The following REPS2 variants were observed in gnomAD, a reference collection of about 807,000 sequenced individuals.
REPS2 encodes ralBP1-associated Eps domain-containing protein 2.
Under a neutral mutation model 53.6 loss-of-function variants are expected in REPS2, and 23 were observed. The observed-to-expected ratio is 0.43, with a 90% CI of 0.31 to 0.61. The LOEUF (loss-of-function observed/expected upper bound fraction) is 0.61, where lower values mean the gene tolerates loss of function less well. REPS2 is among the 20% of genes least tolerant of loss of function. The pLI is 0.11. For synonymous variants in REPS2, 238 were observed against 218.6 expected (o/e 1.09, Z -0.78); for missense variants, 446 against 534.9 (o/e 0.83, Z 1.64).
chrX:16,982,966 C>A (rs1661523687), intron 1 of REPS2, among the ~76,000 whole-genome samples: 1 of 112,279 alleles, frequency 8.9e-6, no homozygotes, highest in African/African-American at 3.2e-5. Flanking sequence ...GCATTTCTCA[C>A]ACTGAGATAT....
the REPS2 span, among the ~76,000 whole-genome samples, chrX:17,158,555 A>T: frequency 8.9e-6 from 1 of 112,329 alleles, no homozygotes; most frequent in African/African-American, 3.2e-5. Context: ...TTTTTTAAAC[A>T]GGGCATACAA....
At chrX:17,056,927 G>A (rs1055396829) in intron 8 of REPS2, among the ~76,000 whole-genome samples, 3 of 111,968 alleles carry the variant, frequency 2.7e-5, no homozygotes, top group Admixed American at 1.9e-4. Context: ...GAGTCATGGT[G>A]AGTATAACAT....
At chrX:17,036,556 C>G (rs184915532) in intron 5 of REPS2, among the ~76,000 whole-genome samples, 1 of 111,523 alleles carries the variant, frequency 9.0e-6, no homozygotes, top group Non-Finnish European at 1.9e-5. Flanking sequence ...CTGAGGCTCT[C>G]GAAGGAGGTT....
chrX:17,110,696 C>T (rs760958851), intron 14 of REPS2, among the ~76,000 whole-genome samples: 1 of 94,604 alleles, frequency 1.1e-5, no homozygotes, highest in African/African-American at 4.9e-5. Flanking sequence ...CTGTCTCAAA[C>T]AAACAAACAA....
chrX:17,150,462 C>T lies in REPS2; in HGVS notation c.*2981C>T, dbSNP rs186297478. The stretch of plus-strand genomic sequence containing the variant: ...GGCATCTCTCGTATGTGGCATATTG[C>T]TTTTGCCACTTTCCTATCCAGCAGA... On this transcript the variant is annotated 3_prime_UTR_variant, in exon 18 of 18. Coordinates refer to ENST00000357277, the MANE Select transcript of REPS2 (RefSeq NM_004726.3). The T allele has an allele frequency of 2.8e-4, 32 of 112,801 alleles. No homozygotes were observed. The highest frequency in any genetic ancestry group is 9.0e-4 in the African/African-American group (28 of 31,082). 9.3% of individuals were successfully genotyped at this position (112,801 alleles called of 1,213,427 possible). A position where few individuals can be genotyped will look rare whatever the true frequency, so the allele number is the denominator to read the frequency against.
intron 5 of REPS2, among the ~76,000 whole-genome samples, chrX:17,035,223 G>A (rs2061751662): frequency 9.1e-6 from 1 of 110,301 alleles, no homozygotes; most frequent in South Asian, 4.0e-4. Context: ...AAAACAGCAG[G>A]AAATAGCCTT....
chrX:17,117,400 A>G (rs2063070030), intron 14 of REPS2, among the ~76,000 whole-genome samples: 1 of 110,718 alleles, frequency 9.0e-6, no homozygotes, highest in South Asian at 3.9e-4. Flanking sequence ...CATTAGGTAT[A>G]TCTCCTAATG....
rs1196457941 is a variant in REPS2, at chrX:16,973,712, C to A, written c.273+26578C>A. Among the ~76,000 whole-genome samples the A allele has an allele frequency of 3.6e-5, 4 of 110,795 alleles. No homozygotes were observed. The East Asian group carries it at 1.1e-3, about 31-fold the overall frequency. On this transcript the variant is annotated intron_variant, in intron 1 of 17. Transcript: ENST00000357277. ...AATAGTACCAGGAAATCCTGTATAC[C>A]CTTTACTAGATTTACTTAACATTTG...
At chrX:17,162,237 T>C in the REPS2 span, among the ~76,000 whole-genome samples, 1 of 112,405 alleles carries the variant, frequency 8.9e-6, no homozygotes, top group South Asian at 3.6e-4. Context: ...TTGACCTGAC[T>C]CAGAGCTCAT....
intron 4 of REPS2, among the ~76,000 whole-genome samples, chrX:17,028,480 G>A (rs2061673487): frequency 8.9e-6 from 1 of 111,985 alleles, no homozygotes; most frequent in African/African-American, 3.2e-5. Flanking sequence ...TTCTTAGCAG[G>A]TTCTGAAAAT....
chrX:17,184,928 C>T, the REPS2 span, among the ~76,000 whole-genome samples: 1 of 112,029 alleles, frequency 8.9e-6, no homozygotes, highest in Non-Finnish European at 1.9e-5. Context: ...TTTCTGTCTT[C>T]CCCATATCAG....
intron 11 of REPS2, among the ~76,000 whole-genome samples, chrX:17,072,458 T>C (rs1287240246): frequency 9.0e-6 from 1 of 111,189 alleles, no homozygotes; most frequent in African/African-American, 3.3e-5. Flanking sequence ...CCACTACTCA[T>C]CCACACCCTC....
Position 16,994,902 on chromosome X carries a change from A to C in REPS2, c.274-11319A>C, listed in dbSNP as rs188000894. ...ATACCCTGATTGAAAAGAAATCAGG[A>C]AAGTGAGAATCTGACACTTTTAGCT... On this transcript the variant is annotated intron_variant, in intron 1 of 17. Coordinates refer to ENST00000357277, the MANE Select transcript of REPS2 (RefSeq NM_004726.3). Among the ~76,000 whole-genome samples, 381 of 112,287 alleles carry C rather than the reference A, an allele frequency of 3.4e-3. 4 individuals are homozygous for C. Among genetic ancestry groups the C allele is most frequent in the African/African-American group, 0.012 (369 of 30,898 alleles).
At chrX:17,094,748 G>A (rs1306958033) in intron 13 of REPS2, among the ~76,000 whole-genome samples, 1 of 111,295 alleles carries the variant, frequency 9.0e-6, no homozygotes, top group African/African-American at 3.3e-5. Context: ...CATTTCTTAT[G>A]TCTTACTGAG....
Position 17,148,665 on chromosome X carries a change from A to G in REPS2, c.*1184A>G, listed in dbSNP as rs997021949. ...ATGTAAAACAGTAAGCTCAAATTGC[A>G]GAAGCCAGTATCCTACAGAAATTTA... On this transcript the variant is annotated 3_prime_UTR_variant, in exon 18 of 18. Coordinates refer to ENST00000357277, the MANE Select transcript of REPS2 (RefSeq NM_004726.3). 7 of 172,668 alleles carry G rather than the reference A, an allele frequency of 4.1e-5. No individual in the cohort carries two copies. Among genetic ancestry groups the G allele is most frequent in the African/African-American group, 2.2e-4 (7 of 32,418 alleles). 14.2% of individuals were successfully genotyped at this position (172,668 alleles called of 1,213,427 possible). A position where few individuals can be genotyped will look rare whatever the true frequency, so the allele number is the denominator to read the frequency against.
chrX:17,145,727 C>G (rs1220325993), intron 17 of REPS2, among the ~76,000 whole-genome samples: 1 of 111,728 alleles, frequency 9.0e-6, no homozygotes, highest in Non-Finnish European at 1.9e-5. Flanking sequence ...TGCTTCCACT[C>G]TCATCCTGCT....
intron 5 of REPS2, among the ~76,000 whole-genome samples, chrX:17,044,135 G>A (rs763734401): frequency 9.0e-6 from 1 of 111,622 alleles, no homozygotes; most frequent in African/African-American, 3.3e-5. Flanking sequence ...CCTGAGACCT[G>A]CCTGCTAAGA....
rs138691831 is a variant in REPS2 at position 16,990,775 on chromosome X, G to A, written c.274-15446G>A. 4.9e-3 allele frequency among the ~76,000 whole-genome samples: 545 copies of A among 110,540 alleles called. 5 individuals are homozygous for A. The highest frequency in any genetic ancestry group is 0.016 in the African/African-American group (497 of 30,340). On this transcript the variant is annotated intron_variant, in intron 1 of 17. Transcript: ENST00000357277. The stretch of plus-strand genomic sequence containing the variant: ...TACAAGATGTTACCATTGGGAGGAA[G>A]TGGGCAAAGGGTACATAGGATCTCT...
chrX:16,962,796 T>C (rs779882957), intron 1 of REPS2, among the ~76,000 whole-genome samples: 8 of 112,246 alleles, frequency 7.1e-5, no homozygotes, highest in African/African-American at 1.6e-4. Flanking sequence ...GCCATAAAAA[T>C]AGCTATATGT....
Sources: allele counts gnomAD v4.1 joint callset (sites outside exome capture counted in the v4.1 genomes callset), GRCh38; gene constraint gnomAD v4.1.1; transcripts MANE v1.5; gene names NCBI Gene and HGNC (gene_info 2026-07-23, HGNC 2026-07-21).